The following THSD7A variants were observed in gnomAD, a reference collection of about 807,000 sequenced individuals.
The protein encoded by THSD7A is thrombospondin type-1 domain-containing protein 7A.
In THSD7A, 96 loss-of-function variants were observed where a neutral mutation model predicts 231.3. That is an observed-to-expected ratio of 0.41 (90% confidence interval 0.35 to 0.49). The LOEUF (loss-of-function observed/expected upper bound fraction) is 0.49, where lower values mean the gene tolerates loss of function less well. Among genes scored for constraint, THSD7A ranks in the 20% least tolerant of loss-of-function variants. The pLI, the probability that THSD7A is intolerant of heterozygous loss-of-function variation, is 0.05. For synonymous variants in THSD7A, 940 were observed against 743.3 expected (o/e 1.26, Z -4.30); for missense variants, 2,290 against 2,070.2 (o/e 1.11, Z -2.06).
At chr7:11,709,093 T>G (rs75573983) in intron 1 of THSD7A, among the ~76,000 whole-genome samples, 14,215 of 150,828 alleles carry the variant, frequency 0.094, 839 homozygotes, top group Non-Finnish European at 0.14. Context: ...TGCTCTTATG[T>G]AAATCACTAG....
chr7:11,819,652 G>T (rs77006997), intron 1 of THSD7A, among the ~76,000 whole-genome samples: 1 of 152,282 alleles, frequency 6.6e-6, no homozygotes, highest in Non-Finnish European at 1.5e-5. Context: ...CTTTGCTAGG[G>T]ATTTGGGAGG....
At chr7:11,671,703 A>C (rs775677468) in intron 1 of THSD7A, among the ~76,000 whole-genome samples, 3 of 152,186 alleles carry the variant, frequency 2.0e-5, no homozygotes, top group Non-Finnish European at 4.4e-5. Flanking sequence ...AGTTTCAATT[A>C]AGAATGTATT....
intron 6 of THSD7A, among the ~76,000 whole-genome samples, chr7:11,495,877 A>C (rs1787075936): frequency 6.6e-6 from 1 of 152,110 alleles, no homozygotes; most frequent in Admixed American, 6.6e-5. Flanking sequence ...AATACACAGA[A>C]TCGAAATAAC....
At chr7:11,660,224 A>C (rs1428863739) in intron 1 of THSD7A, among the ~76,000 whole-genome samples, 1 of 151,534 alleles carries the variant, frequency 6.6e-6, no homozygotes, top group African/African-American at 2.4e-5. Context: ...TAAGCACTGG[A>C]TATTCTCTGA....
At chr7:11,827,073 G>A (rs558228849) in intron 1 of THSD7A, among the ~76,000 whole-genome samples, 1 of 152,000 alleles carries the variant, frequency 6.6e-6, no homozygotes, top group Admixed American at 6.6e-5. Flanking sequence ...GTGTAGTCAT[G>A]GTTGACTGTA....
At position 11,801,471 on chromosome 7, in the gene THSD7A, G is replaced by T. The variant is rs116515968; in HGVS notation, c.190+30286C>A. On this transcript the variant is annotated intron_variant, in intron 1 of 27. Transcript: ENST00000423059. ...AGAGGGCCTAAGAAACTTGTCCAAG[G>T]TAACAACGTTAGAAAGTGCCAGAAA... Among the ~76,000 whole-genome samples the T allele has an allele frequency of 7.4e-3, 1,130 of 152,280 alleles. 14 individuals are homozygous for T. Among genetic ancestry groups the T allele is most frequent in the African/African-American group, 0.026 (1,081 of 41,560 alleles).
At chr7:11,551,992 AG>A (rs1200190380) in intron 4 of THSD7A, among the ~76,000 whole-genome samples, 2 of 152,160 alleles carry the variant, frequency 1.3e-5, no homozygotes, top group Non-Finnish European at 2.9e-5. Flanking sequence ...GTACAAAAAA[AG>A]AAAGAAATCA....
chr7:11,720,297 G>C (rs1487515501), intron 1 of THSD7A, among the ~76,000 whole-genome samples: 1 of 151,580 alleles, frequency 6.6e-6, no homozygotes, highest in Non-Finnish European at 1.5e-5. Context: ...AAAGTAAATA[G>C]AACCCATCAG....
chr7:11,820,869 C>T (rs1465459781), intron 1 of THSD7A: 5 of 919,158 alleles, frequency 5.4e-6, no homozygotes, highest in Admixed American at 1.9e-5. Flanking sequence ...CTCAGCTGAC[C>T]TTTCCCTCGA....
intron 1 of THSD7A, among the ~76,000 whole-genome samples, chr7:11,686,871 G>A (rs1043528946): frequency 2.0e-5 from 3 of 151,714 alleles, no homozygotes; most frequent in Non-Finnish European, 4.4e-5. Flanking sequence ...TGGGTACCAC[G>A]TTTAGTACCT....
At chr7:11,550,566 T>A (rs9638673) in intron 4 of THSD7A, among the ~76,000 whole-genome samples, 1 of 151,992 alleles carries the variant, frequency 6.6e-6, no homozygotes, top group African/African-American at 2.4e-5. Context: ...CTCTCTTTCC[T>A]GCCATCTTGT....
At chr7:11,663,569 A>G (rs1783013547) in intron 1 of THSD7A, among the ~76,000 whole-genome samples, 1 of 151,600 alleles carries the variant, frequency 6.6e-6, no homozygotes, top group Admixed American at 6.6e-5. Flanking sequence ...CCTTGTCCCA[A>G]TATCTGAGAA....
chr7:11,617,024 G>A (rs1781130603), intron 2 of THSD7A, among the ~76,000 whole-genome samples: 2 of 152,152 alleles, frequency 1.3e-5, no homozygotes, highest in South Asian at 2.1e-4. Flanking sequence ...ACATATCACA[G>A]TGATGCTATA....
intron 4 of THSD7A, among the ~76,000 whole-genome samples, chr7:11,578,565 G>A (rs963327644): frequency 1.3e-5 from 2 of 152,286 alleles, no homozygotes; most frequent in African/African-American, 4.8e-5. Flanking sequence ...TCTCTCAGAA[G>A]CTTAAAATCT....
chr7:11,600,324 G>A (rs1174821431), intron 2 of THSD7A, among the ~76,000 whole-genome samples: 2 of 152,082 alleles, frequency 1.3e-5, no homozygotes. Flanking sequence ...TAGGATACAT[G>A]TGGGTTTCCT....
At chr7:11,379,321 A>C in intron 25 of THSD7A, 41 bp from the exon 26 acceptor site, 1 of 1,598,984 alleles carries the variant, frequency 6.3e-7, no homozygotes, top group South Asian at 1.1e-5. Context: ...CATGCAAGGA[A>C]TCTTTGGAAG....
chr7:11,492,905 T>C (rs1427520258), intron 6 of THSD7A, among the ~76,000 whole-genome samples: 1 of 152,040 alleles, frequency 6.6e-6, no homozygotes, highest in Non-Finnish European at 1.5e-5. Flanking sequence ...TTAATCTTCA[T>C]AGTTGTCTGC....
chr7:11,779,301 T>G (rs1783547254), intron 1 of THSD7A, among the ~76,000 whole-genome samples: 1 of 152,144 alleles, frequency 6.6e-6, no homozygotes, highest in Non-Finnish European at 1.5e-5. Context: ...CTCTCTCCTA[T>G]TTCTCTCCCT....
chr7:11,503,906 C>A (rs1346331719), intron 6 of THSD7A, among the ~76,000 whole-genome samples: 1 of 152,086 alleles, frequency 6.6e-6, no homozygotes, highest in Non-Finnish European at 1.5e-5. Context: ...TATGGTGGTT[C>A]CTCAAAGAGC....
Sources: gnomAD v4.1 joint callset for allele counts (sites outside exome capture counted in the v4.1 genomes callset) on GRCh38, gnomAD v4.1.1 for gene constraint, MANE v1.5 for transcripts, NCBI Gene and HGNC (gene_info 2026-07-23, HGNC 2026-07-21) for gene names.